Variants in SRGAP3 observed in about 807,000 individuals in gnomAD.
SRGAP3 encodes SLIT-ROBO Rho GTPase-activating protein 3.
In SRGAP3, 39 loss-of-function variants were observed where a neutral mutation model predicts 121.1. The ratio of observed to expected loss-of-function variants is 0.32; its 90% CI spans 0.25 to 0.42. The LOEUF (loss-of-function observed/expected upper bound fraction) is 0.42. Ranked by LOEUF, SRGAP3 falls within the 10% of genes least tolerant of loss-of-function variation. SRGAP3 has a pLI of 1.00. For missense variants in SRGAP3, 1,213 were observed against 1,470.6 expected (o/e 0.82, Z 2.86); for synonymous variants, 601 against 570.0 (o/e 1.05, Z -0.77).
chr3:9,072,478 A>C (rs1415536247), intron 4 of SRGAP3, among the ~76,000 whole-genome samples: 1 of 152,238 alleles, frequency 6.6e-6, no homozygotes, highest in Non-Finnish European at 1.5e-5. Context: ...GGTTACCTAG[A>C]GGGAAACCTC....
intron 19 of SRGAP3, 141 bp from the exon 20 acceptor site, chr3:8,993,196 C>A: frequency 7.4e-7 from 1 of 1,355,050 alleles, no homozygotes; most frequent in East Asian, 2.5e-5. Flanking sequence ...TAGGCCACTG[C>A]CCACTGGGTG....
chr3:9,105,860 G>A (rs1354478765), intron 2 of SRGAP3, among the ~76,000 whole-genome samples: 10 of 152,122 alleles, frequency 6.6e-5, no homozygotes, highest in African/African-American at 1.9e-4. Context: ...CCCAAACTAC[G>A]GAACATCATA....
At chr3:9,151,405 G>T (rs896864880) in intron 1 of SRGAP3, among the ~76,000 whole-genome samples, 3 of 152,208 alleles carry the variant, frequency 2.0e-5, no homozygotes, top group African/African-American at 7.2e-5. Flanking sequence ...GCCAGACCAA[G>T]AAGGTCCCGA....
intron 2 of SRGAP3, among the ~76,000 whole-genome samples, chr3:9,113,001 AGCATGAAGCCCTCATGG>A (rs1374568994): frequency 6.6e-6 from 1 of 152,228 alleles, no homozygotes; most frequent in Non-Finnish European, 1.5e-5. Context: ...CCCAGAAATA[AGCATGAAGCCCTCATGG>A]GCACGGGCAT....
intron 2 of SRGAP3, among the ~76,000 whole-genome samples, chr3:9,328,964 C>T (rs1955560536): frequency 6.6e-6 from 1 of 151,014 alleles, no homozygotes; most frequent in South Asian, 2.1e-4. Flanking sequence ...CAAGGTCAAG[C>T]TCCCAAGGAC....
chr3:9,220,010 G>C (rs1952756493), intron 1 of SRGAP3, among the ~76,000 whole-genome samples: 2 of 152,086 alleles, frequency 1.3e-5, no homozygotes, highest in Admixed American at 1.3e-4. Flanking sequence ...AAGGTAGACT[G>C]ATCATTACCA....
chr3:9,173,444 C>T (rs936835567), intron 1 of SRGAP3, among the ~76,000 whole-genome samples: 1 of 152,198 alleles, frequency 6.6e-6, no homozygotes. Flanking sequence ...TAAAATAAAA[C>T]AGTTCCTGCA....
chr3:9,003,401 C>A (rs1277366178), intron 18 of SRGAP3, among the ~76,000 whole-genome samples: 1 of 152,106 alleles, frequency 6.6e-6, no homozygotes, highest in Non-Finnish European at 1.5e-5. Flanking sequence ...ATCACTTGAA[C>A]CCAGGAGGCA....
intron 1 of SRGAP3, among the ~76,000 whole-genome samples, chr3:9,146,348 G>A (rs113828373): frequency 0.019 from 2,929 of 152,280 alleles, 87 homozygotes; most frequent in African/African-American, 0.066. Context: ...CGCTCCACCT[G>A]TAGTTGGTGA....
chr3:9,037,442 C>CA (rs35966925), intron 11 of SRGAP3: 25,544 of 154,164 alleles, frequency 0.17, 2,308 homozygotes, highest in Middle Eastern at 0.22. Flanking sequence ...CTGGTCTGCT[C>CA]AGGAAAAAGC....
intron 7 of SRGAP3, among the ~76,000 whole-genome samples, chr3:9,057,569 G>C (rs909921318): frequency 2.0e-5 from 3 of 152,174 alleles, no homozygotes; most frequent in Non-Finnish European, 2.9e-5. Flanking sequence ...AGGTGCCACG[G>C]GTGGCCCAGC....
At chr3:9,360,909 T>G (rs536281787) in intron 1 of SRGAP3, among the ~76,000 whole-genome samples, 1 of 152,222 alleles carries the variant, frequency 6.6e-6, no homozygotes, top group Non-Finnish European at 1.5e-5. Flanking sequence ...AATGTATAAG[T>G]GCTCCATTGC....
intron 3 of SRGAP3, among the ~76,000 whole-genome samples, chr3:9,285,116 G>C (rs1319467552): frequency 6.6e-6 from 1 of 152,286 alleles, no homozygotes; most frequent in Non-Finnish European, 1.5e-5. Context: ...AAATCCACTA[G>C]AAGTTTATAT....
intron 3 of SRGAP3, among the ~76,000 whole-genome samples, chr3:9,288,929 C>T (rs1954828367): frequency 6.6e-6 from 1 of 151,806 alleles, no homozygotes; most frequent in Admixed American, 6.6e-5. Context: ...TGGAGTCTCG[C>T]TCTGTCACCC....
At chr3:9,303,005 A>C (rs1282325278) in intron 3 of SRGAP3, among the ~76,000 whole-genome samples, 3 of 152,196 alleles carry the variant, frequency 2.0e-5, no homozygotes, top group Non-Finnish European at 4.4e-5. Context: ...GTAGATGATA[A>C]ATTCTAGAAG....
chr3:9,056,936 C>T (rs1225621727), intron 7 of SRGAP3, among the ~76,000 whole-genome samples: 1 of 152,188 alleles, frequency 6.6e-6, no homozygotes, highest in Non-Finnish European at 1.5e-5. Flanking sequence ...GGCTGGAATG[C>T]AGTGGTGCCA....
At chr3:9,068,327 C>T (rs139859486) in intron 4 of SRGAP3, among the ~76,000 whole-genome samples, 2 of 152,322 alleles carry the variant, frequency 1.3e-5, no homozygotes, top group African/African-American at 2.4e-5. Context: ...TCCCACATAT[C>T]CTTTGCCTAG....
intron 1 of SRGAP3, among the ~76,000 whole-genome samples, chr3:9,169,956 G>C (rs1480052162): frequency 6.6e-6 from 1 of 152,132 alleles, no homozygotes; most frequent in African/African-American, 2.4e-5. Context: ...AAGGGGGCTG[G>C]GTTGGAGTTT....
chr3:9,291,323 C>T (rs1371385435), intron 3 of SRGAP3, among the ~76,000 whole-genome samples: 1 of 152,178 alleles, frequency 6.6e-6, no homozygotes. Context: ...GCTCTCATTA[C>T]ATCTCAGCAG....
Sources: allele counts gnomAD v4.1 joint callset (sites outside exome capture counted in the v4.1 genomes callset), GRCh38; gene constraint gnomAD v4.1.1; transcripts MANE v1.5; gene names NCBI Gene and HGNC (gene_info 2026-07-23, HGNC 2026-07-21).